EVL: variants seen among roughly 807,000 people sequenced by gnomAD.
EVL encodes ena/VASP-like protein.
EVL carries 21 observed loss-of-function variants against 59.6 expected under a neutral mutation model. That is an observed-to-expected ratio of 0.35 (90% CI 0.25 to 0.51). EVL has a LOEUF of 0.51. Among genes scored for constraint, EVL ranks in the 20% least tolerant of loss-of-function variants. The pLI, the probability that EVL is intolerant of heterozygous loss-of-function variation, is 0.97. For synonymous variants in EVL, 198 were observed against 203.5 expected (o/e 0.97, Z 0.23); for missense variants, 462 against 546.6 (o/e 0.85, Z 1.54).
chr14:100,132,679 G>A (rs753978860), intron 7 of EVL, 40 bp from the exon 8 acceptor site: 23 of 1,607,692 alleles, frequency 1.4e-5, no homozygotes, highest in East Asian at 2.2e-5. Flanking sequence ...GTGAGAGAAC[G>A]TGAGGAGCTG....
At chr14:100,100,802 A>G (rs1018544080) in intron 3 of EVL, among the ~76,000 whole-genome samples, 2 of 151,844 alleles carry the variant, frequency 1.3e-5, no homozygotes, top group East Asian at 1.9e-4. Flanking sequence ...AAAAAAAAAA[A>G]AAAAAAATGG....
intron 1 of EVL, among the ~76,000 whole-genome samples, chr14:100,079,174 C>T (rs2062234802): frequency 6.6e-6 from 1 of 152,192 alleles, no homozygotes; most frequent in African/African-American, 2.4e-5. Context: ...TGCACAGGAG[C>T]CCACCCGCAG....
intron 2 of EVL, among the ~76,000 whole-genome samples, chr14:100,092,865 C>T (rs751421377): frequency 3.9e-5 from 6 of 152,142 alleles, no homozygotes; most frequent in Admixed American, 6.6e-5. Flanking sequence ...CACAGGAGTC[C>T]ATTTCTATGT....
chr14:100,106,326 A>G (rs1269998992), intron 3 of EVL: 1 of 152,500 alleles, frequency 6.6e-6, no homozygotes, highest in Admixed American at 6.5e-5. Flanking sequence ...AAAGAAAATC[A>G]TACTTAATTT....
chr14:100,046,826 C>T (rs1289594820), intron 1 of EVL, among the ~76,000 whole-genome samples: 18 of 147,528 alleles, frequency 1.2e-4, no homozygotes, highest in Non-Finnish European at 2.2e-4. Flanking sequence ...GACCTCGGCT[C>T]ACTGCAACCT....
chr14:100,137,792 C>T lies in EVL; in HGVS notation c.1084C>T (p.Pro362Ser). ...PEAKSPLQSQ[P>S]HSRMKPAGSV... The stretch of plus-strand genomic sequence containing the variant: ...AGCTAAGAGCCCCCTTCAGTCGCAG[C>T]CTCACTCTAGGTACCGAACAACCCT... The change falls in exon 11 of 14, where the codon CCT becomes TCT. Residue 362 changes from proline to serine, a missense_variant. Coordinates refer to ENST00000392920, the MANE Select transcript of EVL (RefSeq NM_016337.3). 1 of 1,614,138 alleles carries T rather than the reference C, an allele frequency of 6.2e-7. No homozygotes were observed. Among genetic ancestry groups the T allele is most frequent in the Non-Finnish European group, 8.5e-7 (1 of 1,180,034 alleles).
rs747379913 is a variant in EVL at position 100,109,776 on chromosome 14, A to G, written c.358+12118A>G. On this transcript the variant is annotated intron_variant, in intron 3 of 13. Coordinates refer to ENST00000392920, the MANE Select transcript of EVL (RefSeq NM_016337.3). The surrounding 1 kb of genome is among the most constrained non-coding windows in gnomAD (Gnocchi z 4.3). ...TTATCACCACCCCAAACAGAGGAAC[A>G]CGCCTTCTCCAGCCACAGCCTATGG... 2.0e-6 allele frequency: 1 copy of G among 505,288 alleles called. No individual in the cohort carries two copies. The highest frequency in any genetic ancestry group is 4.1e-6 in the Non-Finnish European group (1 of 242,998). 31.3% of individuals were successfully genotyped at this position (505,288 alleles called of 1,614,324 possible). A position where few individuals can be genotyped will look rare whatever the true frequency, so the allele number is the denominator to read the frequency against.
At chr14:99,987,904 A>AGTTTTTTTTTTTTTTTTTTTT (rs1566963012) in intron 1 of EVL, among the ~76,000 whole-genome samples, 1 of 139,484 alleles carries the variant, frequency 7.2e-6, no homozygotes. Context: ...AAGACAACCC[A>AGTTTTTTTTTTTTTTTTTTTT]ATTTTTTTTT....
chr14:100,075,834 A>G (rs1010259890), intron 1 of EVL, among the ~76,000 whole-genome samples: 1 of 152,236 alleles, frequency 6.6e-6, no homozygotes, highest in Non-Finnish European at 1.5e-5. Context: ...TAATCACCAT[A>G]GAAGTAGACC....
chr14:100,032,046 A>C (rs2061322544), intron 1 of EVL, among the ~76,000 whole-genome samples: 1 of 152,250 alleles, frequency 6.6e-6, no homozygotes, highest in African/African-American at 2.4e-5. Context: ...ACTGTGTATC[A>C]AGTCAAGATA....
intron 1 of EVL, among the ~76,000 whole-genome samples, chr14:100,081,497 A>G (rs532867703): frequency 5.2e-4 from 73 of 139,494 alleles, no homozygotes; most frequent in Non-Finnish European, 9.3e-4. Context: ...ATTTGAACCT[A>G]AAGTATTAAC....
intron 3 of EVL, among the ~76,000 whole-genome samples, chr14:100,122,717 C>A (rs921450315): frequency 6.6e-6 from 1 of 152,232 alleles, no homozygotes; most frequent in East Asian, 1.9e-4. Flanking sequence ...CCTAGTGACA[C>A]CTGAGCTGGC....
At chr14:100,099,178 A>AC (rs1324325369) in intron 3 of EVL, among the ~76,000 whole-genome samples, 6 of 140,020 alleles carry the variant, frequency 4.3e-5, no homozygotes, top group African/African-American at 1.7e-4. Context: ...CCCTGTCTCT[A>AC]CAAAAAAAAA....
chr14:100,094,182 T>G (rs1885644204), intron 2 of EVL, among the ~76,000 whole-genome samples: 1 of 152,154 alleles, frequency 6.6e-6, no homozygotes, highest in South Asian at 2.1e-4. Flanking sequence ...TAGCTTACTG[T>G]GTAACTTTGG....
chr14:100,047,114 C>CTTTTTTTTTTTTT (rs1379774654), intron 1 of EVL, among the ~76,000 whole-genome samples: 1,023 of 95,084 alleles, frequency 0.011, 282 homozygotes, highest in South Asian at 0.051. Context: ...GCAGATCTCT[C>CTTTTTTTTTTTTT]TCTCTTTTTT....
chr14:100,090,309 A>C (rs1012820849), intron 2 of EVL, among the ~76,000 whole-genome samples: 1 of 152,260 alleles, frequency 6.6e-6, no homozygotes, highest in African/African-American at 2.4e-5. Flanking sequence ...TATCGTTAGT[A>C]ATAACCTTGT....
upstream of EVL, among the ~76,000 whole-genome samples, chr14:100,064,547 T>G (rs1482716964): frequency 6.6e-6 from 1 of 152,246 alleles, no homozygotes; most frequent in Non-Finnish European, 1.5e-5. Flanking sequence ...ATTGCTGACT[T>G]AAATGTCATC....
At chr14:100,080,062 CTTT>C (rs371508011) in intron 1 of EVL, among the ~76,000 whole-genome samples, 2 of 140,912 alleles carry the variant, frequency 1.4e-5, no homozygotes, top group Admixed American at 7.1e-5. Context: ...ATGTGTTTTG[CTTT>C]TTTTTTTTTT....
At chr14:100,029,510 A>G (rs529092294) in intron 1 of EVL, among the ~76,000 whole-genome samples, 2 of 152,336 alleles carry the variant, frequency 1.3e-5, no homozygotes, top group African/African-American at 4.8e-5. Flanking sequence ...TGTGGAACAG[A>G]CAGACCAAAA....
Sources: allele counts gnomAD v4.1 joint callset (sites outside exome capture counted in the v4.1 genomes callset), GRCh38; gene constraint gnomAD v4.1.1; non-coding constraint Gnocchi (gnomAD v3.1); transcripts MANE v1.5; gene names NCBI Gene and HGNC (gene_info 2026-07-23, HGNC 2026-07-21).